Variants in ODAD2 observed in about 807,000 individuals in gnomAD.
The protein encoded by ODAD2 is outer dynein arm-docking complex subunit 2.
In ODAD2, 89 loss-of-function variants were observed where a neutral mutation model predicts 106.8. The observed-to-expected ratio is 0.83, with a 90% CI of 0.70 to 0.99. The LOEUF is 0.99. ODAD2 is among the 50% of genes least tolerant of loss of function. ODAD2 has a pLI of 0.00. For synonymous variants in ODAD2, 404 were observed against 436.2 expected (o/e 0.93, Z 0.92); for missense variants, 1,168 against 1,238.5 (o/e 0.94, Z 0.85).
At chr10:27,944,467 T>G in intron 11 of ODAD2, 36 bp from the exon 12 acceptor site, 1 of 1,557,726 alleles carries the variant, frequency 6.4e-7, no homozygotes, top group Admixed American at 1.7e-5. Context: ...GGCGAATATG[T>G]AACCCGTGCT....
chr10:27,819,530 G>C lies in ODAD2; in HGVS notation c.3022-6905C>G, dbSNP rs141589813. ...AAGGCAGGAGGATGGCTTGAAGCCA[G>C]AAGTTCAAGACCATCTTGGGCAACA... On this transcript the variant is annotated intron_variant, in intron 19 of 19. Coordinates refer to ENST00000305242, the MANE Select transcript of ODAD2 (RefSeq NM_018076.5). Among the ~76,000 whole-genome samples the C allele has an allele frequency of 2.1e-4, 27 of 128,536 alleles. 1 individual carries two copies. Among genetic ancestry groups the C allele is most frequent in the African/African-American group, 6.9e-4 (23 of 33,566 alleles). The allele number at this position is 128,536 out of a possible 152,430, so 84.3% of individuals were successfully genotyped here.
At chr10:27,857,190 AGAT>A (rs1171107403) in intron 19 of ODAD2, among the ~76,000 whole-genome samples, 3 of 152,170 alleles carry the variant, frequency 2.0e-5, no homozygotes, top group Non-Finnish European at 4.4e-5. Context: ...CTCTACGTGA[AGAT>A]GACAAGGATG....
intron 19 of ODAD2, among the ~76,000 whole-genome samples, chr10:27,824,342 G>A (rs1272771122): frequency 2.0e-5 from 3 of 152,114 alleles, no homozygotes; most frequent in Non-Finnish European, 4.4e-5. Context: ...AATAAGACCT[G>A]AGGGCTCTGC....
intron 17 of ODAD2, chr10:27,904,092 C>A (rs188307922): frequency 6.3e-6 from 1 of 159,106 alleles, no homozygotes; most frequent in South Asian, 1.7e-4. Context: ...TTGACTACTC[C>A]CCAAACTGTT....
intron 19 of ODAD2, among the ~76,000 whole-genome samples, chr10:27,826,584 T>A (rs914073339): frequency 1.3e-5 from 2 of 151,972 alleles, no homozygotes; most frequent in Non-Finnish European, 2.9e-5. Context: ...ACGCACAGAT[T>A]CCCGCTGCAA....
At chr10:27,877,856 G>T (rs562285257) in intron 17 of ODAD2, among the ~76,000 whole-genome samples, 1 of 152,228 alleles carries the variant, frequency 6.6e-6, no homozygotes, top group South Asian at 2.1e-4. Context: ...ACTTCCACAT[G>T]CATTATCTCA....
chr10:27,841,843 C>A (rs1420141186), intron 19 of ODAD2, among the ~76,000 whole-genome samples: 1 of 152,102 alleles, frequency 6.6e-6, no homozygotes, highest in Non-Finnish European at 1.5e-5. Context: ...CAGCCTCGAC[C>A]TCCCAGGCTA....
At chr10:27,885,706 A>AAT (rs1255959079) in intron 17 of ODAD2, among the ~76,000 whole-genome samples, 1 of 52,074 alleles carries the variant, frequency 1.9e-5, no homozygotes, top group Non-Finnish European at 3.5e-5. Flanking sequence ...ATATATATAA[A>AAT]ATATATATTA....
chr10:27,874,911 G>A (rs1342869860), intron 17 of ODAD2, among the ~76,000 whole-genome samples: 1 of 152,110 alleles, frequency 6.6e-6, no homozygotes, highest in African/African-American at 2.4e-5. Flanking sequence ...TGCCTTGCTA[G>A]GTTGGGGAAG....
At chr10:27,978,538 A>G (rs1347151940) in intron 7 of ODAD2, among the ~76,000 whole-genome samples, 2 of 152,154 alleles carry the variant, frequency 1.3e-5, no homozygotes, top group Non-Finnish European at 2.9e-5. Flanking sequence ...CACACCTGTA[A>G]TCCCAGCACT....
At chr10:27,851,959 C>T (rs894786965) in intron 19 of ODAD2, among the ~76,000 whole-genome samples, 1 of 152,060 alleles carries the variant, frequency 6.6e-6, no homozygotes, top group South Asian at 2.1e-4. Context: ...TACAGAGGAA[C>T]AAACATAAGC....
rs568313828 is a variant in ODAD2, at chr10:27,984,125, T to C, written c.682+59A>G. 4.6e-6 allele frequency: 7 copies of C among 1,507,282 alleles called. No individual in the cohort carries two copies. The Admixed American group carries it at 1.3e-4, about 27-fold the overall frequency. The allele number at this position is 1,507,282 out of a possible 1,614,324, so 93.4% of individuals were successfully genotyped here. A position where few individuals can be genotyped will look rare whatever the true frequency, so the allele number is the denominator to read the frequency against. ...TTGTAATGTAGACATTGAAAGCATT[T>C]TGCAAATGTAATTATGAAAATGTAA... On this transcript the variant is annotated intron_variant, in intron 5 of 19. Coordinates refer to ENST00000305242, the MANE Select transcript of ODAD2 (RefSeq NM_018076.5).
intron 3 of ODAD2, among the ~76,000 whole-genome samples, chr10:27,986,539 C>A (rs1564579846): frequency 6.6e-6 from 1 of 152,046 alleles, no homozygotes; most frequent in Non-Finnish European, 1.5e-5. Flanking sequence ...ATAGGCAAGG[C>A]ATAAAAAGAG....
At chr10:27,819,129 T>C (rs771573181) in intron 19 of ODAD2, among the ~76,000 whole-genome samples, 69 of 152,290 alleles carry the variant, frequency 4.5e-4, no homozygotes, top group Non-Finnish European at 8.8e-4. Context: ...CCTTCCTATT[T>C]TGTCTGATGA....
At chr10:27,888,585 T>G (rs76669336) in intron 17 of ODAD2, among the ~76,000 whole-genome samples, 4,509 of 152,254 alleles carry the variant, frequency 0.03, 138 homozygotes, top group East Asian at 0.13. Context: ...ATATGTACTT[T>G]GCAAATATTT....
intron 2 of ODAD2, among the ~76,000 whole-genome samples, chr10:27,988,076 T>A (rs938230493): frequency 6.6e-6 from 1 of 151,204 alleles, no homozygotes; most frequent in African/African-American, 2.4e-5. Context: ...CTAAACTTCT[T>A]TATTTGGTTT....
chr10:27,973,926 G>A (rs1440336910), intron 7 of ODAD2, among the ~76,000 whole-genome samples: 1 of 151,872 alleles, frequency 6.6e-6, no homozygotes, highest in African/African-American at 2.4e-5. Flanking sequence ...CTTTTTTTCT[G>A]CAACTTCACC....
At chr10:27,985,348 T>A in intron 3 of ODAD2, 137 bp from the exon 4 acceptor site, 2 of 689,640 alleles carry the variant, frequency 2.9e-6, no homozygotes, top group Non-Finnish European at 4.6e-6. Context: ...ACGACCCAAT[T>A]AGAATTCATC....
Position 27,935,023 on chromosome 10 carries a change from G to T in ODAD2, c.2482C>A (p.Pro828Thr). 1 of 1,613,804 alleles carries T rather than the reference G, an allele frequency of 6.2e-7. No homozygotes were observed. The highest frequency in any genetic ancestry group is 8.5e-7 in the Non-Finnish European group (1 of 1,179,792). Residue 828 changes from proline (P) to threonine (T), a missense_variant, in exon 16 of 20, where the codon CCT (proline) becomes ACT (threonine). Pro to Thr is a conservative substitution (Grantham distance 38). This residue lies in a region of ODAD2 where 701 missense variants were observed against 712.3 expected (regional missense o/e 0.98). Transcript: ENST00000305242. Reference protein sequence around the residue: ...TKAVGACAVEPESMMIIDRLD... With the variant: ...TKAVGACAVETESMMIIDRLD... Reference sequence around the variant, plus strand: ...AGGGCCACTTACATCATACTTTCAGGTTCTACTGCACAAGCACCAACTGCT... The same window carrying T: ...AGGGCCACTTACATCATACTTTCAGTTTCTACTGCACAAGCACCAACTGCT...
Sources: allele counts gnomAD v4.1 joint callset (sites outside exome capture counted in the v4.1 genomes callset), GRCh38; gene constraint gnomAD v4.1.1; regional missense constraint gnomAD v4.1.1; transcripts MANE v1.5; gene names NCBI Gene and HGNC (gene_info 2026-07-23, HGNC 2026-07-21).